ERBB4: variants seen among roughly 807,000 people sequenced by gnomAD.
ERBB4 encodes the protein erb-b2 receptor tyrosine kinase 4.
In ERBB4, 42 loss-of-function variants were observed where a neutral mutation model predicts 158.0. The ratio of observed to expected loss-of-function variants is 0.27; its 90% CI spans 0.21 to 0.34. The LOEUF (loss-of-function observed/expected upper bound fraction) is 0.34, where lower values mean the gene tolerates loss of function less well. Among genes scored for constraint, ERBB4 ranks in the 10% least tolerant of loss-of-function variants. The pLI, the probability that ERBB4 is intolerant of heterozygous loss-of-function variation, is 1.00. For synonymous variants in ERBB4, 583 were observed against 558.7 expected, an observed-to-expected ratio of 1.04 and a Z score of -0.61; for missense variants, 1,333 against 1,624.1, an observed-to-expected ratio of 0.82 and a Z score of 3.08.
chr2:211,718,255 T>G (rs768026742), intron 7 of ERBB4, among the ~76,000 whole-genome samples: 1 of 151,662 alleles, frequency 6.6e-6, no homozygotes, highest in Non-Finnish European at 1.5e-5. Context: ...GAAGAAAAAA[T>G]AGAGAACAAA....
Position 212,099,729 on chromosome 2 carries a change from T to G in ERBB4, c.234+25023A>C, listed in dbSNP as rs939791162. Among the ~76,000 whole-genome samples, 4 of 103,786 alleles carry G rather than the reference T, an allele frequency of 3.9e-5. No individual in the cohort carries two copies. The East Asian group carries it at 7.8e-4, about 20-fold the overall frequency. 68.1% of individuals were successfully genotyped at this position (103,786 alleles called of 152,430 possible). A position where few individuals can be genotyped will look rare whatever the true frequency, so the allele number is the denominator to read the frequency against. On this transcript the variant is annotated intron_variant, in intron 2 of 27. Coordinates refer to ENST00000342788, the MANE Select transcript of ERBB4 (RefSeq NM_005235.3). ...CAGAAGTCAGCTCTATATAGCTTTGTTTTACAGTTTTTTTTTTTTTCTTTT... is the reference window on the plus strand; with the variant it reads ...CAGAAGTCAGCTCTATATAGCTTTGGTTTACAGTTTTTTTTTTTTTCTTTT...
At chr2:211,570,702 TC>T (rs1252112040) in intron 19 of ERBB4, among the ~76,000 whole-genome samples, 1 of 152,144 alleles carries the variant, frequency 6.6e-6, no homozygotes, top group East Asian at 1.9e-4. Flanking sequence ...ATGTGTCCCA[TC>T]CCATATTCCA....
At chr2:211,640,527 T>G (rs562667425) in intron 16 of ERBB4, among the ~76,000 whole-genome samples, 3 of 152,184 alleles carry the variant, frequency 2.0e-5, no homozygotes, top group Admixed American at 6.6e-5. Context: ...TGATTATTGA[T>G]GTATGGTGAA....
chr2:212,197,501 C>A (rs2082463536), intron 1 of ERBB4, among the ~76,000 whole-genome samples: 1 of 152,078 alleles, frequency 6.6e-6, no homozygotes, highest in African/African-American at 2.4e-5. Flanking sequence ...GAAACTGAGG[C>A]TTAACTCTCA....
In ERBB4 at chr2:211,788,175, A is replaced by C. The variant is rs1345945400; in HGVS notation, c.422-16T>G. On this transcript the variant is annotated splice_polypyrimidine_tract_variant and intron_variant, in intron 3 of 27. Transcript: ENST00000342788. ...TTTAGGATTTCTGTATTAAAAAACA[A>C]ATAAACAAATTTTTTGTCAAACTGC... The C allele has an allele frequency of 1.9e-6, 3 of 1,605,562 alleles. No homozygotes were observed. Among genetic ancestry groups the C allele is most frequent in the Non-Finnish European group, 2.6e-6 (3 of 1,173,376 alleles).
At chr2:212,334,343 T>G (rs1423922336) in intron 1 of ERBB4, among the ~76,000 whole-genome samples, 1 of 152,044 alleles carries the variant, frequency 6.6e-6, no homozygotes, top group South Asian at 2.1e-4. Flanking sequence ...GCACAAGACA[T>G]ATTTGAAATT....
chr2:211,754,438 G>A (rs2075238112), intron 4 of ERBB4, among the ~76,000 whole-genome samples: 3 of 136,332 alleles, frequency 2.2e-5, no homozygotes, highest in Non-Finnish European at 3.1e-5. Flanking sequence ...GTCTCGCTCT[G>A]TTGCACAGGC....
At chr2:211,777,649 T>C (rs13008370) in intron 4 of ERBB4, 2 of 151,936 alleles carry the variant, frequency 1.3e-5, no homozygotes, top group African/African-American at 4.8e-5. Flanking sequence ...TATAGCCTTG[T>C]CACCCCAACC....
At chr2:211,734,443 C>A (rs2074533949) in intron 5 of ERBB4, among the ~76,000 whole-genome samples, 1 of 151,932 alleles carries the variant, frequency 6.6e-6, no homozygotes, top group African/African-American at 2.4e-5. Flanking sequence ...TGTGACCAAG[C>A]AGTTCTATTT....
intron 1 of ERBB4, among the ~76,000 whole-genome samples, chr2:212,178,474 G>T (rs1343879908): frequency 1.3e-5 from 2 of 151,608 alleles, no homozygotes; most frequent in South Asian, 4.2e-4. Flanking sequence ...TATATCTGGG[G>T]GCATTAGAGT....
chr2:211,591,239 A>G (rs982711582), intron 19 of ERBB4, among the ~76,000 whole-genome samples: 2 of 152,224 alleles, frequency 1.3e-5, no homozygotes, highest in African/African-American at 4.8e-5. Context: ...CGCTAGTTTC[A>G]GTTTTCCAAT....
At chr2:211,703,919 T>C (rs1488995443) in intron 11 of ERBB4, among the ~76,000 whole-genome samples, 185 bp downstream of exon 11, 1 of 152,218 alleles carries the variant, frequency 6.6e-6, no homozygotes, top group African/African-American at 2.4e-5. Context: ...AATCAAAGTA[T>C]GTATTCTGTA....
At chr2:211,752,046 A>G (rs2075146281) in intron 4 of ERBB4, among the ~76,000 whole-genome samples, 1 of 152,192 alleles carries the variant, frequency 6.6e-6, no homozygotes, top group Non-Finnish European at 1.5e-5. Flanking sequence ...TCACTCTGCC[A>G]TCTGTTTATT....
intron 1 of ERBB4, among the ~76,000 whole-genome samples, chr2:212,395,192 T>A (rs1211716592): frequency 6.6e-6 from 1 of 152,162 alleles, no homozygotes; most frequent in African/African-American, 2.4e-5. Context: ...TTAATTGATA[T>A]GTTATCTACT....
chr2:211,944,081 C>CTATATATA (rs58348907), intron 3 of ERBB4, among the ~76,000 whole-genome samples: 1,679 of 133,632 alleles, frequency 0.013, 70 homozygotes, highest in African/African-American at 0.045. Flanking sequence ...CATGGTTACA[C>CTATATATA]TATATATATA....
At chr2:211,977,488 G>C (rs1472762820) in intron 2 of ERBB4, among the ~76,000 whole-genome samples, 1 of 124,590 alleles carries the variant, frequency 8.0e-6, no homozygotes, top group Non-Finnish European at 1.6e-5. Flanking sequence ...TTTCCCTCTT[G>C]GCACTTTCTC....
chr2:211,416,405 A>C (rs967525373), intron 25 of ERBB4, among the ~76,000 whole-genome samples: 8 of 152,204 alleles, frequency 5.3e-5, no homozygotes, highest in African/African-American at 1.9e-4. Flanking sequence ...CATGTGTTTA[A>C]ATATCTAGAG....
At chr2:211,518,083 T>A (rs927764511) in intron 20 of ERBB4, among the ~76,000 whole-genome samples, 1 of 152,128 alleles carries the variant, frequency 6.6e-6, no homozygotes, top group Non-Finnish European at 1.5e-5. Flanking sequence ...TCCTCATATT[T>A]ATGTAATATG....
chr2:212,347,282 T>C (rs919444731), intron 1 of ERBB4, among the ~76,000 whole-genome samples: 10 of 152,152 alleles, frequency 6.6e-5, no homozygotes, highest in Admixed American at 6.5e-4. Flanking sequence ...TAATTGATTA[T>C]AGTTATTTCA....
Sources: allele counts gnomAD v4.1 joint callset (sites outside exome capture counted in the v4.1 genomes callset), GRCh38; gene constraint gnomAD v4.1.1; transcripts MANE v1.5; gene names NCBI Gene and HGNC (gene_info 2026-07-23, HGNC 2026-07-21).